CNTNAP2: variants seen among roughly 807,000 people sequenced by gnomAD.
The protein encoded by CNTNAP2 is contactin associated protein 2, also known as contactin-associated protein-like 2.
Under a neutral mutation model 155.2 loss-of-function variants are expected in CNTNAP2, and 98 were observed. The observed-to-expected ratio is 0.63, with a 90% CI of 0.54 to 0.75. CNTNAP2 has a LOEUF of 0.75. Ranked by LOEUF, CNTNAP2 falls within the 30% of genes least tolerant of loss-of-function variation. The pLI is 0.00. For synonymous variants in CNTNAP2, 651 were observed against 631.2 expected (o/e 1.03, Z -0.47); for missense variants, 1,727 against 1,688.1 (o/e 1.02, Z -0.40).
At chr7:148,308,702 T>A (rs1797535033) in intron 21 of CNTNAP2, among the ~76,000 whole-genome samples, 1 of 152,030 alleles carries the variant, frequency 6.6e-6, no homozygotes, top group South Asian at 2.1e-4. Flanking sequence ...ATTAGGTATT[T>A]CTCCTAATGC....
At chr7:146,858,207 G>T (rs1214647016) in intron 3 of CNTNAP2, among the ~76,000 whole-genome samples, 2 of 152,190 alleles carry the variant, frequency 1.3e-5, no homozygotes, top group African/African-American at 4.8e-5. Flanking sequence ...GGAGTACTTA[G>T]TGTTCCTTGG....
intron 12 of CNTNAP2, among the ~76,000 whole-genome samples, chr7:147,625,136 T>G (rs1563027322): frequency 6.6e-6 from 1 of 151,932 alleles, no homozygotes; most frequent in African/African-American, 2.4e-5. Context: ...CAGGGGGAAG[T>G]GGGGATGGTT....
chr7:147,582,656 C>T (rs1215023959), intron 12 of CNTNAP2, among the ~76,000 whole-genome samples: 2 of 152,050 alleles, frequency 1.3e-5, no homozygotes, highest in Non-Finnish European at 2.9e-5. Context: ...ATTATCATAA[C>T]AGAAGTAAAA....
At chr7:147,369,872 C>T (rs987691503) in intron 9 of CNTNAP2, among the ~76,000 whole-genome samples, 2 of 152,104 alleles carry the variant, frequency 1.3e-5, no homozygotes, top group Non-Finnish European at 2.9e-5. Context: ...AATAACAAAT[C>T]GAATTCATAC....
At chr7:147,176,735 G>T (rs377440355) in intron 8 of CNTNAP2, among the ~76,000 whole-genome samples, 1,902 of 92,874 alleles carry the variant, frequency 0.02, 49 homozygotes, top group African/African-American at 0.064. Flanking sequence ...ATATATAATA[G>T]AATTATAATT....
intron 3 of CNTNAP2, among the ~76,000 whole-genome samples, chr7:146,878,937 G>A (rs942362714): frequency 2.6e-5 from 4 of 152,142 alleles, no homozygotes; most frequent in South Asian, 2.1e-4. Flanking sequence ...TACCTTTTGC[G>A]AACTTTATTT....
intron 11 of CNTNAP2, among the ~76,000 whole-genome samples, chr7:147,502,407 T>C (rs1420899642): frequency 6.7e-6 from 1 of 149,088 alleles, no homozygotes; most frequent in Non-Finnish European, 1.5e-5. Context: ...AAATGCTGTA[T>C]CTATCACTTA....
intron 8 of CNTNAP2, among the ~76,000 whole-genome samples, chr7:147,184,982 A>C (rs182698810): frequency 1.1e-4 from 17 of 152,300 alleles, no homozygotes; most frequent in African/African-American, 4.1e-4. Context: ...TCTATATAAA[A>C]TAACAATAAT....
intron 3 of CNTNAP2, among the ~76,000 whole-genome samples, chr7:146,864,858 C>T (rs1197026939): frequency 6.6e-6 from 1 of 151,428 alleles, no homozygotes; most frequent in Non-Finnish European, 1.5e-5. Context: ...GGGTGGCAGG[C>T]TCCTGTGGTC....
At chr7:147,369,172 T>C (rs890570158) in intron 9 of CNTNAP2, among the ~76,000 whole-genome samples, 3 of 152,236 alleles carry the variant, frequency 2.0e-5, no homozygotes, top group African/African-American at 4.8e-5. Context: ...TTTATAACCA[T>C]GTTAGAACTT....
chr7:146,310,149 A>T (rs531079141), intron 1 of CNTNAP2, among the ~76,000 whole-genome samples: 21 of 152,298 alleles, frequency 1.4e-4, no homozygotes, highest in Non-Finnish European at 2.5e-4. Context: ...AGCAGGTACA[A>T]TATCTTTGAA....
intron 1 of CNTNAP2, among the ~76,000 whole-genome samples, chr7:146,722,300 C>T (rs974159519): frequency 2.0e-5 from 3 of 152,000 alleles, no homozygotes; most frequent in African/African-American, 7.3e-5. Context: ...TGACCATTGG[C>T]CTTTTGTGTC....
At chr7:146,437,355 G>A (rs533168276) in intron 1 of CNTNAP2, among the ~76,000 whole-genome samples, 1 of 151,516 alleles carries the variant, frequency 6.6e-6, no homozygotes, top group Admixed American at 6.6e-5. Context: ...TATAAGCATA[G>A]CTCATGTATG....
In CNTNAP2 at chr7:146,612,397, AT is replaced by A. The variant is rs925312561; in HGVS notation, c.98-161867del. Reference sequence around the variant, plus strand: ...TAAAAAGCTAGCATTTCAAGACATAATTTTTTTAAAAATGAAAATTCTAAAT... The same window carrying A: ...TAAAAAGCTAGCATTTCAAGACATAATTTTTTAAAAATGAAAATTCTAAAT... On this transcript the variant is annotated intron_variant, in intron 1 of 23. Coordinates refer to ENST00000361727, the MANE Select transcript of CNTNAP2 (RefSeq NM_014141.6). Among the ~76,000 whole-genome samples the A allele has an allele frequency of 1.8e-4, 27 of 152,138 alleles. 1 individual carries two copies. The highest frequency in any genetic ancestry group is 1.4e-3 in the Admixed American group (22 of 15,264).
chr7:147,612,388 T>C (rs1801203807), intron 12 of CNTNAP2, among the ~76,000 whole-genome samples: 1 of 151,506 alleles, frequency 6.6e-6, no homozygotes, highest in South Asian at 2.1e-4. Context: ...TTAAAGCTTA[T>C]GTAATTTTCT....
At chr7:146,257,290 G>A (rs1799854380) in intron 1 of CNTNAP2, among the ~76,000 whole-genome samples, 2 of 152,158 alleles carry the variant, frequency 1.3e-5, no homozygotes, top group Admixed American at 1.3e-4. Flanking sequence ...ATTACAACCA[G>A]AGCCAGAAGC....
At chr7:148,258,490 C>CAA (rs2116827801) in intron 20 of CNTNAP2, among the ~76,000 whole-genome samples, 1 of 152,264 alleles carries the variant, frequency 6.6e-6, no homozygotes, top group Non-Finnish European at 1.5e-5. Flanking sequence ...TTTTCAATTG[C>CAA]AAATGGCCCT....
chr7:147,996,126 A>G (rs909390251), intron 15 of CNTNAP2, among the ~76,000 whole-genome samples: 1 of 152,246 alleles, frequency 6.6e-6, no homozygotes, highest in East Asian at 1.9e-4. Flanking sequence ...CAGACCTTGC[A>G]GATGTGGATC....
At chr7:147,062,790 G>A (rs902854117) in intron 4 of CNTNAP2, among the ~76,000 whole-genome samples, 1 of 152,100 alleles carries the variant, frequency 6.6e-6, no homozygotes, top group African/African-American at 2.4e-5. Flanking sequence ...TCTCAACTCT[G>A]AAATGAATTT....
Sources: gnomAD v4.1 joint callset for allele counts (sites outside exome capture counted in the v4.1 genomes callset) on GRCh38, gnomAD v4.1.1 for gene constraint, MANE v1.5 for transcripts, NCBI Gene and HGNC (gene_info 2026-07-23, HGNC 2026-07-21) for gene names.